The following MYPN variants were observed in gnomAD, a reference collection of about 807,000 sequenced individuals.
MYPN encodes the protein myopalladin, also known as sarcomeric protein myopalladin, 145 kDa (MYOP).
MYPN carries 63 observed loss-of-function variants against 129.4 expected under a neutral mutation model. The observed-to-expected ratio is 0.49, with a 90% CI of 0.40 to 0.60. The LOEUF (loss-of-function observed/expected upper bound fraction) is 0.60, where lower values mean the gene tolerates loss of function less well. Among genes scored for constraint, MYPN ranks in the 20% least tolerant of loss-of-function variants. The pLI is 0.00. For synonymous variants in MYPN, 629 were observed against 600.9 expected, an observed-to-expected ratio of 1.05 and a Z score of -0.68; for missense variants, 1,596 against 1,635.4, an observed-to-expected ratio of 0.98 and a Z score of 0.42.
rs1314404705 is a variant in MYPN, at chr10:68,199,673, C to G, written c.3493+98C>G. On this transcript the variant is annotated intron_variant, in intron 17 of 19. Coordinates refer to ENST00000358913, the MANE Select transcript of MYPN (RefSeq NM_032578.4). ...CAGAATTCCTTCATCCTTTGCCCTA[C>G]TAACTCCAATCTCAATTTCCCCTTC... is the stretch of plus-strand genomic sequence containing the variant. The G allele has an allele frequency of 1.2e-5, 15 of 1,218,424 alleles. No individual in the cohort carries two copies. The South Asian group carries it at 1.7e-4, about 14-fold the overall frequency. 75.5% of individuals were successfully genotyped at this position (1,218,424 alleles called of 1,614,324 possible).
chr10:68,137,758 T>G (rs2042509711), intron 2 of MYPN, among the ~76,000 whole-genome samples: 1 of 149,136 alleles, frequency 6.7e-6, no homozygotes, highest in Non-Finnish European at 1.5e-5. Context: ...ATACTGTCAG[T>G]TTTTTTTTTA....
intron 1 of MYPN, among the ~76,000 whole-genome samples, chr10:68,092,863 T>C (rs1352630807): frequency 6.6e-6 from 1 of 152,160 alleles, no homozygotes; most frequent in Non-Finnish European, 1.5e-5. Context: ...CTGAAGCATG[T>C]AGAATGATTT....
At chr10:68,134,820 A>G (rs150921402) in intron 2 of MYPN, among the ~76,000 whole-genome samples, 380 of 152,156 alleles carry the variant, frequency 2.5e-3, no homozygotes, top group African/African-American at 8.8e-3. Flanking sequence ...TAATTAATTA[A>G]ATTAAATTAA....
Position 68,122,462 on chromosome 10 carries a change from G to T in MYPN, c.902+122G>T. ...TATACTCCCTTTGAGAAAAGTAGTCGGTATCTAAAGCAGCTTGGTCCAATA... is the reference window on the plus strand; with the variant it reads ...TATACTCCCTTTGAGAAAAGTAGTCTGTATCTAAAGCAGCTTGGTCCAATA... On this transcript the variant is annotated intron_variant, in intron 2 of 19. Transcript: ENST00000358913. 4.0e-6 allele frequency: 4 copies of T among 990,648 alleles called. No individual in the cohort carries two copies. In the South Asian group the frequency reaches 4.2e-5, roughly 10 times the overall value. The allele number at this position is 990,648 out of a possible 1,614,324, so 61.4% of individuals were successfully genotyped here.
At position 68,145,517 on chromosome 10, in the gene MYPN, A is replaced by G. The variant is rs780664443; in HGVS notation, c.1121A>G (p.Glu374Gly). ...SDSEGDPNKE[E>G]MNRIQKPNEV... ...TCAGAAGGCGACCCTAACAAGGAAG[A>G]GATGAATCGGTAATTCTGATTTTCT... is the stretch of plus-strand genomic sequence containing the variant. The change falls in exon 4 of 20, where the codon GAG (glutamate) becomes GGG (glycine). Residue 374 changes from glutamate (E) to glycine (G), a missense_variant. Glu to Gly is a moderately conservative substitution (Grantham distance 98). Coordinates refer to ENST00000358913, the MANE Select transcript of MYPN (RefSeq NM_032578.4). The G allele has an allele frequency of 1.9e-6, 3 of 1,613,042 alleles. No homozygotes were observed. In the South Asian group the frequency reaches 3.3e-5, roughly 18 times the overall value.
chr10:68,093,103 C>G (rs2041938373), intron 1 of MYPN, among the ~76,000 whole-genome samples: 1 of 152,056 alleles, frequency 6.6e-6, no homozygotes, highest in Non-Finnish European at 1.5e-5. Flanking sequence ...CCCATGAACC[C>G]TTGAGCTCAA....
At chr10:68,095,389 A>C (rs1322881406) in intron 1 of MYPN, among the ~76,000 whole-genome samples, 2 of 151,988 alleles carry the variant, frequency 1.3e-5, no homozygotes, top group Admixed American at 6.6e-5. Context: ...AAAGGCATGC[A>C]TATGACTAAC....
At chr10:68,160,950 A>T (rs1450289194) in intron 7 of MYPN, among the ~76,000 whole-genome samples, 1 of 152,120 alleles carries the variant, frequency 6.6e-6, no homozygotes, top group Non-Finnish European at 1.5e-5. Flanking sequence ...AAAAACTATG[A>T]TCTATCTTGA....
chr10:68,161,292 T>C (rs2042970743), intron 7 of MYPN, among the ~76,000 whole-genome samples: 1 of 152,122 alleles, frequency 6.6e-6, no homozygotes, highest in Non-Finnish European at 1.5e-5. Context: ...GGTCAGGAGT[T>C]CAAGACCAGC....
intron 1 of MYPN, among the ~76,000 whole-genome samples, chr10:68,098,281 G>C (rs965287008): frequency 1.3e-5 from 2 of 151,966 alleles, no homozygotes; most frequent in African/African-American, 4.8e-5. Flanking sequence ...TGGCTTTTAT[G>C]CTTATCTATT....
intron 17 of MYPN, among the ~76,000 whole-genome samples, chr10:68,200,720 T>G (rs1439247058): frequency 1.3e-5 from 2 of 151,750 alleles, no homozygotes; most frequent in African/African-American, 4.8e-5. Flanking sequence ...ATTGCACCAC[T>G]GCACTCCAGC....
intron 15 of MYPN, among the ~76,000 whole-genome samples, chr10:68,196,108 C>T (rs563546366): frequency 6.6e-6 from 1 of 152,308 alleles, no homozygotes; most frequent in Non-Finnish European, 1.5e-5. Context: ...CCCAACCTGG[C>T]ATGCTTTTAA....
chr10:68,096,534 C>G (rs961826808), intron 1 of MYPN, among the ~76,000 whole-genome samples: 3 of 152,138 alleles, frequency 2.0e-5, no homozygotes, highest in Non-Finnish European at 4.4e-5. Context: ...TGCCCTCCAG[C>G]CTGAGTGACA....
chr10:68,208,644 C>G (rs2043855816), intron 19 of MYPN, among the ~76,000 whole-genome samples: 1 of 152,164 alleles, frequency 6.6e-6, no homozygotes, highest in Non-Finnish European at 1.5e-5. Flanking sequence ...GGCTGAGTTT[C>G]CAGGTCACTT....
In MYPN at chr10:68,117,116, T is replaced by C. The variant is rs572529199; in HGVS notation, c.-1-4322T>C. Among the ~76,000 whole-genome samples the C allele has an allele frequency of 2.0e-5, 3 of 151,610 alleles. No homozygotes were observed. In the South Asian group the frequency reaches 6.3e-4, roughly 32 times the overall value. ...GCACATGCCTGTAATCCCAGCTACT[T>C]GGGAGGCTGAGGCAGGAGAATCGCT... On this transcript the variant is annotated intron_variant, in intron 1 of 19. Coordinates refer to ENST00000358913, the MANE Select transcript of MYPN (RefSeq NM_032578.4).
intron 4 of MYPN, among the ~76,000 whole-genome samples, chr10:68,146,492 C>CATTT (rs1408897992): frequency 5.9e-5 from 9 of 152,160 alleles, no homozygotes; most frequent in Non-Finnish European, 1.5e-5. Context: ...AGAAATATCC[C>CATTT]ATTTATTTAT....
chr10:68,174,998 G>A (rs539024131), intron 11 of MYPN, among the ~76,000 whole-genome samples: 12 of 152,082 alleles, frequency 7.9e-5, no homozygotes, highest in Middle Eastern at 3.4e-3. Context: ...TTAGCTGGGC[G>A]TGTTGGTGCA....
At chr10:68,089,815 T>C (rs2041922863) in intron 1 of MYPN, among the ~76,000 whole-genome samples, 1 of 152,210 alleles carries the variant, frequency 6.6e-6, no homozygotes, top group African/African-American at 2.4e-5. Flanking sequence ...TGTCCAGTTA[T>C]AGTGGTACTT....
intron 12 of MYPN, among the ~76,000 whole-genome samples, chr10:68,180,320 G>A (rs2043295087): frequency 6.6e-6 from 1 of 152,098 alleles, no homozygotes; most frequent in Admixed American, 6.6e-5. Context: ...CAAGTAGATG[G>A]GACTACAGGC....
Sources: allele counts gnomAD v4.1 joint callset (sites outside exome capture counted in the v4.1 genomes callset), GRCh38; gene constraint gnomAD v4.1.1; transcripts MANE v1.5; gene names NCBI Gene and HGNC (gene_info 2026-07-23, HGNC 2026-07-21).